The following KLHL1 variants were observed in gnomAD, a reference collection of about 807,000 sequenced individuals.
KLHL1 encodes the protein kelch like family member 1, also known as kelch-like protein 1.
Under a neutral mutation model 77.7 loss-of-function variants are expected in KLHL1, and 47 were observed. The ratio of observed to expected loss-of-function variants is 0.60; its 90% CI spans 0.48 to 0.77. The LOEUF (loss-of-function observed/expected upper bound fraction) is 0.77. Ranked by LOEUF, KLHL1 falls within the 30% of genes least tolerant of loss-of-function variation. KLHL1 has a pLI of 0.00. For synonymous variants in KLHL1, 360 were observed against 325.2 expected (o/e 1.11, Z -1.15); for missense variants, 925 against 910.8 (o/e 1.02, Z -0.20).
intron 6 of KLHL1, among the ~76,000 whole-genome samples, chr13:69,823,814 T>A (rs948622757): frequency 6.6e-6 from 1 of 151,996 alleles, no homozygotes; most frequent in African/African-American, 2.4e-5. Flanking sequence ...ATCATTGAAA[T>A]TTTTTCTCTC....
rs1011277581 is a variant in KLHL1 at position 69,943,711 on chromosome 13, T to C, written c.818-3475A>G. 2.6e-5 allele frequency among the ~76,000 whole-genome samples: 4 copies of C among 152,290 alleles called. No homozygotes were observed. In the South Asian group the frequency reaches 6.2e-4, roughly 24 times the overall value. ...AAATAGAGAAAATAATACAAACACA[T>C]TAAAATCTGTTATTAATTTTAAACT... is the stretch of plus-strand genomic sequence containing the variant. On this transcript the variant is annotated intron_variant, in intron 3 of 10. Coordinates refer to ENST00000377844, the MANE Select transcript of KLHL1 (RefSeq NM_020866.3).
chr13:69,751,202 G>A (rs549955126), intron 7 of KLHL1, among the ~76,000 whole-genome samples: 2 of 151,558 alleles, frequency 1.3e-5, no homozygotes, highest in Non-Finnish European at 2.9e-5. Flanking sequence ...ATGAAATCAA[G>A]GCTGTCAGGT....
intron 4 of KLHL1, among the ~76,000 whole-genome samples, chr13:69,893,727 A>G (rs1440653781): frequency 6.6e-6 from 1 of 152,178 alleles, no homozygotes; most frequent in Non-Finnish European, 1.5e-5. Flanking sequence ...AAAAATAAAC[A>G]AGGACTGAAG....
At chr13:69,833,814 C>T (rs1042022501) in intron 6 of KLHL1, among the ~76,000 whole-genome samples, 2 of 146,494 alleles carry the variant, frequency 1.4e-5, no homozygotes, top group Non-Finnish European at 3.0e-5. Context: ...TATATATATA[C>T]ACACACACAC....
intron 1 of KLHL1, among the ~76,000 whole-genome samples, chr13:70,021,308 A>C (rs1885787085): frequency 6.6e-6 from 1 of 152,070 alleles, no homozygotes; most frequent in African/African-American, 2.4e-5. Flanking sequence ...ATATGCATTA[A>C]AGTGTCTTGC....
chr13:69,779,157 A>G (rs1413993077), intron 7 of KLHL1, among the ~76,000 whole-genome samples: 3 of 152,120 alleles, frequency 2.0e-5, no homozygotes, highest in African/African-American at 7.2e-5. Context: ...GCATTAAAAA[A>G]TCTTCAATAA....
intron 9 of KLHL1, among the ~76,000 whole-genome samples, chr13:69,713,570 A>G (rs1476211805): frequency 2.0e-5 from 3 of 152,154 alleles, no homozygotes. Flanking sequence ...ACTCTTTTCA[A>G]TATTAAACCA....
intron 3 of KLHL1, among the ~76,000 whole-genome samples, chr13:69,942,217 A>C: frequency 6.6e-6 from 1 of 152,022 alleles, no homozygotes; most frequent in South Asian, 2.1e-4. Context: ...CATACATTGC[A>C]GCTTTTAATA....
chr13:70,073,396 T>C (rs1423613415), intron 1 of KLHL1, among the ~76,000 whole-genome samples: 1 of 151,896 alleles, frequency 6.6e-6, no homozygotes, highest in Non-Finnish European at 1.5e-5. Context: ...CATCACACAC[T>C]AGGGCCTGTT....
chr13:69,964,623 G>A (rs1024483647), intron 2 of KLHL1, among the ~76,000 whole-genome samples: 5 of 151,924 alleles, frequency 3.3e-5, no homozygotes, highest in Admixed American at 1.3e-4. Context: ...TGCATATATG[G>A]TTCAACAACT....
intron 1 of KLHL1, among the ~76,000 whole-genome samples, chr13:70,057,636 T>C (rs910952518): frequency 5.4e-5 from 8 of 148,870 alleles, no homozygotes; most frequent in East Asian, 2.0e-4. Flanking sequence ...ATTAGCCGGG[T>C]GCGGTGGCGG....
chr13:69,781,933 GA>G (rs1566245935), intron 7 of KLHL1, among the ~76,000 whole-genome samples: 32 of 151,698 alleles, frequency 2.1e-4, no homozygotes, highest in Non-Finnish European at 3.7e-4. Context: ...TGCTTTTAAA[GA>G]GATGACATCA....
chr13:69,781,285 C>CTTTTTTTTTTT (rs869083780), intron 7 of KLHL1, among the ~76,000 whole-genome samples: 21 of 119,696 alleles, frequency 1.8e-4, no homozygotes, highest in South Asian at 2.9e-4. Context: ...TTTTTTCTTT[C>CTTTTTTTTTTT]TTTTTTTTTT....
At chr13:69,789,311 A>ATAAG (rs1172035491) in intron 7 of KLHL1, among the ~76,000 whole-genome samples, 4 of 151,300 alleles carry the variant, frequency 2.6e-5, no homozygotes, top group African/African-American at 4.8e-5. Context: ...ACTTGACAAA[A>ATAAG]TAAGTCTTAT....
intron 7 of KLHL1, among the ~76,000 whole-genome samples, chr13:69,790,219 T>TACTAATAATAAGA: frequency 6.6e-6 from 1 of 151,990 alleles, no homozygotes; most frequent in African/African-American, 2.4e-5. Flanking sequence ...TTCAAATATC[T>TACTAATAATAAGA]ACTAATAATA....
At chr13:70,000,525 G>A (rs1235472576) in intron 1 of KLHL1, among the ~76,000 whole-genome samples, 4 of 151,826 alleles carry the variant, frequency 2.6e-5, no homozygotes, top group Non-Finnish European at 5.9e-5. Flanking sequence ...AAGTTTGATT[G>A]ATCTTTTCAC....
intron 3 of KLHL1, among the ~76,000 whole-genome samples, chr13:69,959,679 G>A (rs1274621461): frequency 1.3e-5 from 2 of 149,786 alleles, no homozygotes; most frequent in East Asian, 3.9e-4. Context: ...CCCCCCAAAG[G>A]CCTGAACATT....
intron 1 of KLHL1, among the ~76,000 whole-genome samples, chr13:70,063,466 T>G (rs2137408399): frequency 6.6e-6 from 1 of 152,248 alleles, no homozygotes; most frequent in South Asian, 2.1e-4. Context: ...ATAGTAGTGT[T>G]TACATTGTTA....
chr13:69,848,816 C>T (rs1358775870), intron 5 of KLHL1, among the ~76,000 whole-genome samples: 1 of 151,314 alleles, frequency 6.6e-6, no homozygotes, highest in East Asian at 1.9e-4. Flanking sequence ...GCCAAGCTGA[C>T]AGTATAAGTA....
Sources: allele counts gnomAD v4.1 joint callset (sites outside exome capture counted in the v4.1 genomes callset), GRCh38; gene constraint gnomAD v4.1.1; transcripts MANE v1.5; gene names NCBI Gene and HGNC (gene_info 2026-07-23, HGNC 2026-07-21).